Variants in SLC5A4 observed in about 807,000 individuals in gnomAD.
The protein encoded by SLC5A4 is solute carrier family 5 member 4.
Under a neutral mutation model 70.3 loss-of-function variants are expected in SLC5A4, and 55 were observed. That is an observed-to-expected ratio of 0.78 (90% CI 0.63 to 0.98). SLC5A4 has a LOEUF of 0.98. Ranked by LOEUF, SLC5A4 falls within the 50% of genes least tolerant of loss-of-function variation. The pLI is 0.00. For missense variants in SLC5A4, 735 were observed against 839.2 expected (o/e 0.88, Z 1.53); for synonymous variants, 268 against 305.7 (o/e 0.88, Z 1.29).
chr22:32,233,199 C>T (rs965719143), intron 8 of SLC5A4, among the ~76,000 whole-genome samples, 165 bp from the exon 9 acceptor site: 3 of 152,136 alleles, frequency 2.0e-5, no homozygotes, highest in Admixed American at 6.5e-5. Flanking sequence ...TCACAATAGC[C>T]AACATGTGGA....
chr22:32,295,425 G>T, the SLC5A4 span, among the ~76,000 whole-genome samples: 1 of 111,480 alleles, frequency 9.0e-6, no homozygotes, highest in African/African-American at 3.3e-5. Flanking sequence ...GTGATGATGA[G>T]CATTTTTTCA....
chr22:32,312,787 T>C, the SLC5A4 span, among the ~76,000 whole-genome samples: 18 of 151,502 alleles, frequency 1.2e-4, no homozygotes, highest in Non-Finnish European at 1.9e-4. Context: ...TCAGATCTCA[T>C]CTCCCCCATC....
At chr22:32,350,565 C>T in the SLC5A4 span, among the ~76,000 whole-genome samples, 1 of 152,022 alleles carries the variant, frequency 6.6e-6, no homozygotes, top group South Asian at 2.1e-4. Flanking sequence ...TCTGTAGAAA[C>T]ATTAATCTGT....
chr22:32,270,291 G>A, the SLC5A4 span: 1 of 811,492 alleles, frequency 1.2e-6, no homozygotes, highest in East Asian at 2.5e-5. Flanking sequence ...ACAACCCTGA[G>A]CCGGACCTGG....
the SLC5A4 span, among the ~76,000 whole-genome samples, chr22:32,314,048 G>C: frequency 6.6e-6 from 1 of 152,176 alleles, no homozygotes; most frequent in South Asian, 2.1e-4. Context: ...GAGAAGTCAA[G>C]GGAGTGGCTC....
In SLC5A4 at chr22:32,224,274, T is replaced by A; in HGVS notation, c.1658A>T (p.Asp553Val). 6.2e-7 allele frequency: 1 copy of A among 1,610,538 alleles called. No individual in the cohort carries two copies. The highest frequency in any genetic ancestry group is 8.5e-7 in the Non-Finnish European group (1 of 1,176,842). The change falls in exon 13 of 15, where the codon GAT (aspartate) becomes GTT (valine). Residue 553 changes from aspartate to valine, a missense_variant. Asp to Val is a radical substitution (Grantham distance 152, BLOSUM62 -3). Transcript: ENST00000266086. ...GISLLTKPIP[D>V]VHLYRLCWVL... is the part of the protein sequence containing the mutation. ...TCATTACTCATCACTCACATGTACA[T>A]CAGGAATGGGTTTTGTTAAGAGGGA... is the stretch of plus-strand genomic sequence containing the variant.
chr22:32,281,816 T>G, the SLC5A4 span, among the ~76,000 whole-genome samples: 1 of 151,684 alleles, frequency 6.6e-6, no homozygotes, highest in African/African-American at 2.4e-5. Context: ...AAAAGCAGTC[T>G]TGATCTCTAC....
chr22:32,255,409 G>T, upstream of SLC5A4: 1 of 1,504,164 alleles, frequency 6.6e-7, no homozygotes, highest in Non-Finnish European at 9.2e-7. Context: ...CCTCAGGCAG[G>T]TGGGGCGAGA....
rs1390543090 is a variant in SLC5A4 at position 32,255,194 on chromosome 22, C to T, written c.135+1G>A. The T allele has an allele frequency of 6.2e-7, 1 of 1,613,850 alleles. No homozygotes were observed. Among genetic ancestry groups the T allele is most frequent in the Non-Finnish European group, 8.5e-7 (1 of 1,179,904 alleles). On this transcript the variant is annotated splice_donor_variant, in intron 1 of 14. Coordinates refer to ENST00000266086, the MANE Select transcript of SLC5A4 (RefSeq NM_014227.3). LOFTEE classifies it high-confidence loss of function. Reference sequence around the variant, plus strand: ...CTAAAAGCCACTGGGATTCCACCTACCCACAGCCCAACAGCCATCACCACC... The same window carrying T: ...CTAAAAGCCACTGGGATTCCACCTATCCACAGCCCAACAGCCATCACCACC...
At chr22:32,349,947 T>C in the SLC5A4 span, among the ~76,000 whole-genome samples, 1 of 152,156 alleles carries the variant, frequency 6.6e-6, no homozygotes, top group Non-Finnish European at 1.5e-5. Context: ...TCCGCAACTT[T>C]CTTTAGCTCT....
the SLC5A4 span, among the ~76,000 whole-genome samples, chr22:32,304,279 A>G: frequency 0.12 from 18,289 of 151,896 alleles, 1,490 homozygotes; most frequent in Non-Finnish European, 0.18. Context: ...GGCATGCGCC[A>G]CCATGCATGG....
At chr22:32,309,845 T>C in the SLC5A4 span, among the ~76,000 whole-genome samples, 1 of 151,396 alleles carries the variant, frequency 6.6e-6, no homozygotes, top group Non-Finnish European at 1.5e-5. Context: ...GAGGGTGCTG[T>C]GGCTGGCTGC....
At chr22:32,230,445 C>T (rs1925680802) in intron 10 of SLC5A4, among the ~76,000 whole-genome samples, 1 of 152,094 alleles carries the variant, frequency 6.6e-6, no homozygotes, top group South Asian at 2.1e-4. Flanking sequence ...GGACTTTATG[C>T]CTATTTCACT....
upstream of SLC5A4, among the ~76,000 whole-genome samples, chr22:32,256,421 C>T (rs573823660): frequency 6.6e-6 from 1 of 152,280 alleles, no homozygotes; most frequent in South Asian, 2.1e-4. Flanking sequence ...GCAAAGCATA[C>T]ATAGCATAAA....
the SLC5A4 span, among the ~76,000 whole-genome samples, chr22:32,346,096 T>C: frequency 6.6e-6 from 1 of 152,202 alleles, no homozygotes; most frequent in Non-Finnish European, 1.5e-5. Flanking sequence ...TTAAGCTCCA[T>C]CTATCAGGGA....
the SLC5A4 span, chr22:32,271,496 C>T: frequency 4.1e-6 from 3 of 727,074 alleles, no homozygotes; most frequent in East Asian, 2.9e-5. Context: ...TCCTTCACAA[C>T]ATCAGCTTCC....
the SLC5A4 span, among the ~76,000 whole-genome samples, chr22:32,266,983 T>C: frequency 6.6e-6 from 1 of 152,202 alleles, no homozygotes; most frequent in Non-Finnish European, 1.5e-5. Context: ...TTTGACTAAT[T>C]TTCTTCATCA....
chr22:32,319,576 AC>A, the SLC5A4 span, among the ~76,000 whole-genome samples: 2 of 152,066 alleles, frequency 1.3e-5, no homozygotes, highest in Admixed American at 1.3e-4. Context: ...CCAATTACCT[AC>A]AGTGTGTGTC....
chr22:32,283,460 A>G, the SLC5A4 span, among the ~76,000 whole-genome samples: 1 of 152,224 alleles, frequency 6.6e-6, no homozygotes, highest in African/African-American at 2.4e-5. Flanking sequence ...CATTTTCTCC[A>G]TCACTTGCTT....
Sources: gnomAD v4.1 joint callset for allele counts (sites outside exome capture counted in the v4.1 genomes callset) on GRCh38, gnomAD v4.1.1 for gene constraint, MANE v1.5 for transcripts, NCBI Gene and HGNC (gene_info 2026-07-23, HGNC 2026-07-21) for gene names.